LAMA2: variants seen among roughly 807,000 people sequenced by gnomAD.
LAMA2 encodes laminin subunit alpha 2, also known as laminin subunit alpha-2.
Under a neutral mutation model 364.8 loss-of-function variants are expected in LAMA2, and 269 were observed. The observed-to-expected ratio is 0.74, with a 90% CI of 0.67 to 0.82. LAMA2 has a LOEUF of 0.82. Among genes scored for constraint, LAMA2 ranks in the 40% least tolerant of loss-of-function variants. LAMA2 has a pLI of 0.00. For synonymous variants in LAMA2, 1,379 were observed against 1,370.6 expected (o/e 1.01, Z -0.14); for missense variants, 3,807 against 3,873.2 (o/e 0.98, Z 0.45).
intron 54 of LAMA2, among the ~76,000 whole-genome samples, chr6:129,479,120 G>A (rs1467815668): frequency 4.0e-5 from 6 of 150,522 alleles, no homozygotes; most frequent in East Asian, 3.9e-4. Context: ...CCTTATTTTT[G>A]TCATCCATTT....
intron 43 of LAMA2, 98 bp from the exon 44 acceptor site, chr6:129,442,965 T>G: frequency 1.2e-6 from 1 of 859,090 alleles, no homozygotes; most frequent in Non-Finnish European, 1.9e-6. Flanking sequence ...TTATGAAAAA[T>G]ACCATTTTTA....
At chr6:129,017,133 A>G (rs1274959648) in intron 1 of LAMA2, among the ~76,000 whole-genome samples, 2 of 151,946 alleles carry the variant, frequency 1.3e-5, no homozygotes, top group Non-Finnish European at 2.9e-5. Flanking sequence ...TTAAAATAAA[A>G]CTCTTTTCTG....
chr6:129,496,745 G>A lies in LAMA2; in HGVS notation c.8244+4262G>A, dbSNP rs77172518. Among the ~76,000 whole-genome samples, 596 of 152,208 alleles carry A rather than the reference G, an allele frequency of 3.9e-3. 5 individuals are homozygous for A. The highest frequency in any genetic ancestry group is 0.012 in the African/African-American group (505 of 41,542). ...ACCTACTAAGTGCAAAGATGAATAC[G>A]ATATTATCATTGCTAGTCAGAGAAA... On this transcript the variant is annotated intron_variant, in intron 58 of 64. Coordinates refer to ENST00000421865, the MANE Select transcript of LAMA2 (RefSeq NM_000426.4).
At chr6:129,489,957 A>G (rs1784781002) in intron 56 of LAMA2, among the ~76,000 whole-genome samples, 1 of 149,552 alleles carries the variant, frequency 6.7e-6, no homozygotes, top group Non-Finnish European at 1.5e-5. Context: ...CTGACCTATT[A>G]CAATACTAAA....
At chr6:129,293,205 A>G (rs1201748218) in intron 20 of LAMA2, 1 of 437,836 alleles carries the variant, frequency 2.3e-6, no homozygotes, top group Non-Finnish European at 3.0e-6. Flanking sequence ...GACAATTCCT[A>G]ATTGAACCCT....
intron 5 of LAMA2, among the ~76,000 whole-genome samples, chr6:129,145,730 G>A (rs1778394305): frequency 6.6e-6 from 1 of 151,780 alleles, no homozygotes; most frequent in Non-Finnish European, 1.5e-5. Context: ...TTTTTTGAAA[G>A]TACTCAAGTT....
At chr6:128,905,570 G>A (rs1777391123) in intron 1 of LAMA2, 1 of 151,674 alleles carries the variant, frequency 6.6e-6, no homozygotes, top group Admixed American at 6.6e-5. Context: ...TTTAAAAACA[G>A]CATTTTAAAG....
intron 9 of LAMA2, among the ~76,000 whole-genome samples, chr6:129,169,374 G>T (rs1400217557): frequency 2.0e-5 from 3 of 149,080 alleles, no homozygotes; most frequent in Non-Finnish European, 3.0e-5. Flanking sequence ...AGCATGAAGG[G>T]TTGTTGAATT....
intron 1 of LAMA2, among the ~76,000 whole-genome samples, chr6:128,897,546 T>C (rs1255057986): frequency 6.6e-6 from 1 of 152,232 alleles, no homozygotes; most frequent in Non-Finnish European, 1.5e-5. Flanking sequence ...AATGGATATA[T>C]GACAAGTGAT....
At chr6:129,066,421 C>G (rs1582977689) in intron 3 of LAMA2, among the ~76,000 whole-genome samples, 1 of 152,052 alleles carries the variant, frequency 6.6e-6, no homozygotes, top group Non-Finnish European at 1.5e-5. Context: ...AACTGTAAAA[C>G]AGTGATGAAA....
chr6:129,479,612 A>G (rs2114836282), intron 54 of LAMA2: 1 of 152,334 alleles, frequency 6.6e-6, no homozygotes, highest in Non-Finnish European at 1.5e-5. Context: ...AACGTTAAAT[A>G]TGTCATTCTC....
At chr6:129,514,319 C>G in intron 63 of LAMA2, 54 bp from the exon 64 acceptor site, 1 of 1,246,240 alleles carries the variant, frequency 8.0e-7, no homozygotes, top group South Asian at 1.2e-5. Flanking sequence ...TGTGAACCAT[C>G]ATGATACTTC....
rs371040858 is a variant in LAMA2 at position 129,514,491 on chromosome 6, G to A, written c.9107G>A (p.Arg3036His). 3.7e-5 allele frequency: 60 copies of A among 1,613,916 alleles called. No homozygotes were observed. The highest frequency in any genetic ancestry group is 5.0e-5 in the Non-Finnish European group (59 of 1,179,964). Residue 3036 changes from arginine (R) to histidine (H), a missense_variant, in exon 64 of 65, where the codon CGC (arginine) becomes CAC (histidine). By Grantham distance (29) the Arg-to-His change is conservative. Around this residue, in one of 3 missense-constraint regions of LAMA2, gnomAD observed 3,333 missense variants for 3,345.7 expected, o/e 1.00. Coordinates refer to ENST00000421865, the MANE Select transcript of LAMA2 (RefSeq NM_000426.4). ...HKVTANKIKH[R>H]IELTVDGNQV... ...GTCACTGCCAACAAGATCAAACACC[G>A]CATTGAGCTCACAGTCGATGGGAAC...
At position 129,362,351 on chromosome 6, in the gene LAMA2, G is replaced by A. The variant is rs562773677; in HGVS notation, c.4718-3868G>A. Among the ~76,000 whole-genome samples the A allele has an allele frequency of 1.4e-3, 219 of 152,170 alleles. 1 individual carries two copies. Among genetic ancestry groups the A allele is most frequent in the Non-Finnish European group, 1.0e-3 (68 of 68,006 alleles). Reference sequence around the variant, plus strand: ...TCTCCTGTTCCTCACACATCTGTGAGGTTTTCTATCTTGTTCTCACATTCA... The same window carrying A: ...TCTCCTGTTCCTCACACATCTGTGAAGTTTTCTATCTTGTTCTCACATTCA... On this transcript the variant is annotated intron_variant, in intron 32 of 64. Transcript: ENST00000421865.
intron 1 of LAMA2, among the ~76,000 whole-genome samples, chr6:128,995,239 TATATATCAC>T (rs1323154991): frequency 6.6e-6 from 1 of 152,170 alleles, no homozygotes; most frequent in African/African-American, 2.4e-5. Flanking sequence ...CATGTGCAGG[TATATATCAC>T]ACAAGATATA....
chr6:129,241,932 TC>T (rs2115158477), intron 12 of LAMA2, among the ~76,000 whole-genome samples: 1 of 152,220 alleles, frequency 6.6e-6, no homozygotes, highest in African/African-American at 2.4e-5. Flanking sequence ...TAGTGGCAGA[TC>T]AATACCACTT....
At chr6:129,047,788 A>G (rs543664187) in intron 1 of LAMA2, among the ~76,000 whole-genome samples, 3 of 152,324 alleles carry the variant, frequency 2.0e-5, no homozygotes, top group South Asian at 4.1e-4. Context: ...TAGTCAATAC[A>G]TACTCTAATA....
Position 129,448,626 on chromosome 6 carries a change from T to G in LAMA2, c.6429+2805T>G, listed in dbSNP as rs1442193699. On this transcript the variant is annotated intron_variant, in intron 45 of 64. Transcript: ENST00000421865. ...ATTGAGTGGCTGATACTCCTTTAAA[T>G]GAATGACCTACTTACTGGATGAAAA... Among the ~76,000 whole-genome samples, 3 of 152,168 alleles carry G rather than the reference T, an allele frequency of 2.0e-5. No individual in the cohort carries two copies. In the East Asian group the frequency reaches 5.8e-4, roughly 29 times the overall value.
At chr6:128,994,243 T>C (rs937368340) in intron 1 of LAMA2, among the ~76,000 whole-genome samples, 1 of 152,218 alleles carries the variant, frequency 6.6e-6, no homozygotes, top group Non-Finnish European at 1.5e-5. Context: ...GTATACATTA[T>C]TGCATTAGCT....
Sources: gnomAD v4.1 joint callset for allele counts (sites outside exome capture counted in the v4.1 genomes callset) on GRCh38, gnomAD v4.1.1 for gene constraint, gnomAD v4.1.1 regional missense constraint, MANE v1.5 for transcripts, NCBI Gene and HGNC (gene_info 2026-07-23, HGNC 2026-07-21) for gene names.